STARD6: variants seen among roughly 807,000 people sequenced by gnomAD.
The protein encoded by STARD6 is StAR related lipid transfer domain containing 6, also known as stAR-related lipid transfer protein 6.
In STARD6, 21 loss-of-function variants were observed where a neutral mutation model predicts 22.3. That is an observed-to-expected ratio of 0.94 (90% CI 0.67 to 1.35). The LOEUF is 1.35. Ranked by LOEUF, STARD6 falls within the 40% of genes most tolerant of loss-of-function variation. The pLI is 0.00. For missense variants in STARD6, 269 were observed against 266.9 expected (o/e 1.01, Z -0.05); for synonymous variants, 80 against 88.1 (o/e 0.91, Z 0.52).
rs374426330 is a variant in STARD6 at position 54,354,855 on chromosome 18, T to C, written c.-4-278A>G. Among the ~76,000 whole-genome samples the C allele has an allele frequency of 4.8e-4, 73 of 152,294 alleles. 2 individuals are homozygous for C. The South Asian group carries it at 0.015, about 31-fold the overall frequency. On this transcript the variant is annotated intron_variant, in intron 2 of 7. Coordinates refer to ENST00000307844, the MANE Select transcript of STARD6 (RefSeq NM_139171.2). Reference sequence around the variant, plus strand: ...GAAGCATGTTACTTAATATTTCTGTTTTTCCATTTCTCTCAAGGTAAAATT... The same window carrying C: ...GAAGCATGTTACTTAATATTTCTGTCTTTCCATTTCTCTCAAGGTAAAATT...
intron 5 of STARD6, among the ~76,000 whole-genome samples, chr18:54,333,465 T>G (rs567616718): frequency 6.6e-5 from 10 of 152,114 alleles, no homozygotes; most frequent in Non-Finnish European, 4.4e-5. Context: ...AAGAAATATC[T>G]GAAGTGCTAA....
At position 54,324,602 on chromosome 18, in the gene STARD6, G is replaced by T; in HGVS notation, c.*90C>A. The T allele has an allele frequency of 2.4e-6, 3 of 1,272,320 alleles. No homozygotes were observed. Among genetic ancestry groups the T allele is most frequent in the Non-Finnish European group, 3.3e-6 (3 of 899,108 alleles). The allele number at this position is 1,272,320 out of a possible 1,614,324, so 78.8% of individuals were successfully genotyped here. On this transcript the variant is annotated 3_prime_UTR_variant, in exon 8 of 8. Transcript: ENST00000307844. Reference sequence around the variant, plus strand: ...GAATACTGTCTAGAATAGTTTAACAGTATTATTTATGTGCGTTGACTTAGA... The same window carrying T: ...GAATACTGTCTAGAATAGTTTAACATTATTATTTATGTGCGTTGACTTAGA...
chr18:54,336,871 C>A (rs1469029058), intron 5 of STARD6, among the ~76,000 whole-genome samples: 1 of 152,186 alleles, frequency 6.6e-6, no homozygotes, highest in Non-Finnish European at 1.5e-5. Context: ...GAGTTCTGTT[C>A]CTTTATAACA....
At chr18:54,351,445 T>G (rs1357719444) in intron 4 of STARD6, among the ~76,000 whole-genome samples, 1 of 152,018 alleles carries the variant, frequency 6.6e-6, no homozygotes, top group East Asian at 1.9e-4. Flanking sequence ...TCTTTACCCA[T>G]CTGCATGATT....
chr18:54,330,846 G>A (rs2088859381), intron 6 of STARD6, among the ~76,000 whole-genome samples: 1 of 152,028 alleles, frequency 6.6e-6, no homozygotes, highest in African/African-American at 2.4e-5. Context: ...ATTTTATGTT[G>A]TAGGCAGTGA....
chr18:54,327,434 A>G (rs2088833189), intron 7 of STARD6, among the ~76,000 whole-genome samples: 2 of 152,200 alleles, frequency 1.3e-5, no homozygotes, highest in Admixed American at 1.3e-4. Flanking sequence ...ATAAAATTAT[A>G]TGAGGGAAAA....
At chr18:54,330,030 T>A (rs1052590184) in intron 6 of STARD6, among the ~76,000 whole-genome samples, 5 of 151,980 alleles carry the variant, frequency 3.3e-5, no homozygotes, top group African/African-American at 1.2e-4. Context: ...AGTGTCTGTA[T>A]TCTATGTGAA....
intron 4 of STARD6, among the ~76,000 whole-genome samples, chr18:54,348,591 G>T (rs1168390352): frequency 6.6e-6 from 1 of 152,100 alleles, no homozygotes; most frequent in Non-Finnish European, 1.5e-5. Context: ...TTGTAAAATG[G>T]GGATAATAAC....
chr18:54,336,536 A>G (rs2088914413), intron 5 of STARD6, among the ~76,000 whole-genome samples: 1 of 152,200 alleles, frequency 6.6e-6, no homozygotes, highest in Non-Finnish European at 1.5e-5. Flanking sequence ...ATTTCTTCAT[A>G]GCCGGCGGAC....
intron 4 of STARD6, among the ~76,000 whole-genome samples, chr18:54,347,795 C>A (rs911498134): frequency 1.3e-5 from 2 of 152,020 alleles, no homozygotes; most frequent in Non-Finnish European, 2.9e-5. Context: ...TTGGTCACAG[C>A]AACTTTATTA....
At chr18:54,350,242 T>G (rs2144694130) in intron 4 of STARD6, among the ~76,000 whole-genome samples, 1 of 152,336 alleles carries the variant, frequency 6.6e-6, no homozygotes, top group South Asian at 2.1e-4. Context: ...TTAGTGATGT[T>G]GAGCATTTTT....
chr18:54,325,312 A>G (rs989017497), intron 7 of STARD6, among the ~76,000 whole-genome samples: 7 of 152,252 alleles, frequency 4.6e-5, no homozygotes, highest in African/African-American at 1.7e-4. Flanking sequence ...ATATATAAAT[A>G]TAGTTTTATT....
At chr18:54,355,130 C>G (rs2089132512) in intron 2 of STARD6, among the ~76,000 whole-genome samples, 2 of 152,114 alleles carry the variant, frequency 1.3e-5, no homozygotes, top group Non-Finnish European at 2.9e-5. Context: ...TACCTCCTAC[C>G]AGTCTTCTTC....
chr18:54,345,499 G>T (rs2089025789), intron 4 of STARD6, among the ~76,000 whole-genome samples: 1 of 152,126 alleles, frequency 6.6e-6, no homozygotes, highest in Non-Finnish European at 1.5e-5. Flanking sequence ...TCTCCAAATT[G>T]AACTACAGAA....
chr18:54,355,015 T>A (rs2089131712), intron 2 of STARD6, among the ~76,000 whole-genome samples: 1 of 152,236 alleles, frequency 6.6e-6, no homozygotes, highest in Admixed American at 6.5e-5. Flanking sequence ...ACACGTCCTT[T>A]GTCTTGTGAA....
In STARD6 at chr18:54,331,747, A is replaced by G. The variant is rs961846522; in HGVS notation, c.380T>C (p.Ile127Thr). ...IKRYEGNMNI[I>T]SSKSVDFPEY... The stretch of plus-strand genomic sequence containing the variant: ...GGCAAAATGTTTCAACTTACAACTG[A>G]TAATGTTCATATTTCCTTCGTAGCG... The change falls in exon 6 of 8, where the codon ATC (isoleucine) becomes ACC (threonine). Residue 127 changes from isoleucine (I) to threonine (T), a missense_variant. Transcript: ENST00000307844. 4.4e-6 allele frequency: 7 copies of G among 1,605,414 alleles called. No individual in the cohort carries two copies. Among genetic ancestry groups the G allele is most frequent in the Non-Finnish European group, 6.0e-6 (7 of 1,174,184 alleles).
chr18:54,326,485 C>A (rs1162522475), intron 7 of STARD6, among the ~76,000 whole-genome samples: 4 of 151,738 alleles, frequency 2.6e-5, no homozygotes. Flanking sequence ...GCCTGTGCCA[C>A]CATGCCTGGC....
intron 5 of STARD6, among the ~76,000 whole-genome samples, chr18:54,334,917 A>T (rs1431375372): frequency 6.6e-6 from 1 of 152,210 alleles, no homozygotes; most frequent in Non-Finnish European, 1.5e-5. Context: ...TAGTGAACTG[A>T]AACAGTATGG....
chr18:54,327,798 A>G (rs2088836073), intron 7 of STARD6, among the ~76,000 whole-genome samples: 1 of 152,044 alleles, frequency 6.6e-6, no homozygotes, highest in Non-Finnish European at 1.5e-5. Context: ...ACTTTTCTCT[A>G]TGCAGGGTTT....
Sources: allele counts gnomAD v4.1 joint callset (sites outside exome capture counted in the v4.1 genomes callset), GRCh38; gene constraint gnomAD v4.1.1; transcripts MANE v1.5; gene names NCBI Gene and HGNC (gene_info 2026-07-23, HGNC 2026-07-21).